Variants in FTCDNL1 observed in about 807,000 individuals in gnomAD.
FTCDNL1 encodes the protein formiminotransferase cyclodeaminase N-terminal like.
FTCDNL1 carries 11 observed loss-of-function variants against 5.9 expected under a neutral mutation model. The ratio of observed to expected loss-of-function variants is 1.87; its 90% CI spans 1.18 to 3.10. The LOEUF (loss-of-function observed/expected upper bound fraction) is 3.10. FTCDNL1 is among the 30% of genes most tolerant of loss of function. The pLI, the probability that FTCDNL1 is intolerant of heterozygous loss-of-function variation, is 0.00. For synonymous variants in FTCDNL1, 58 were observed against 24.8 expected, an observed-to-expected ratio of 2.34 and a Z score of -3.99; for missense variants, 115 against 65.5, an observed-to-expected ratio of 1.76 and a Z score of -2.61.
At chr2:199,683,226 C>T in the FTCDNL1 span, among the ~76,000 whole-genome samples, 4 of 151,938 alleles carry the variant, frequency 2.6e-5, no homozygotes, top group African/African-American at 9.7e-5. Context: ...ATGAAAAACC[C>T]AATTATATTA....
At chr2:199,823,728 C>T (rs1190717426) in intron 3 of FTCDNL1, among the ~76,000 whole-genome samples, 8 of 152,146 alleles carry the variant, frequency 5.3e-5, no homozygotes, top group Non-Finnish European at 7.3e-5. Context: ...TTTGTTGTTG[C>T]ATTTATAGAG....
chr2:199,840,665 TGAG>T (rs1407197778), intron 3 of FTCDNL1, among the ~76,000 whole-genome samples: 1 of 152,140 alleles, frequency 6.6e-6, no homozygotes, highest in Non-Finnish European at 1.5e-5. Flanking sequence ...CAGCTGGCTC[TGAG>T]GAGAAGGAAA....
At chr2:199,716,463 C>T in the FTCDNL1 span, among the ~76,000 whole-genome samples, 4,946 of 152,222 alleles carry the variant, frequency 0.032, 260 homozygotes, top group African/African-American at 0.11. Context: ...CCCCAATTCT[C>T]AATGACTCTG....
the FTCDNL1 span, among the ~76,000 whole-genome samples, chr2:199,696,505 C>T: frequency 6.6e-6 from 1 of 152,150 alleles, no homozygotes; most frequent in Non-Finnish European, 1.5e-5. Context: ...TCCCAGTGCC[C>T]CAGGATGACA....
the FTCDNL1 span, among the ~76,000 whole-genome samples, chr2:199,716,944 C>A: frequency 5.3e-5 from 8 of 152,086 alleles, no homozygotes; most frequent in African/African-American, 1.9e-4. Context: ...AAAGTTCTGA[C>A]TCCTGTAGCC....
At chr2:199,716,033 TAAAAAAAAA>T in the FTCDNL1 span, among the ~76,000 whole-genome samples, 5 of 108,964 alleles carry the variant, frequency 4.6e-5, no homozygotes, top group East Asian at 2.8e-4. Context: ...TGCCTCTAGT[TAAAAAAAAA>T]AAAAAAAAAA....
chr2:199,765,667 G>A (rs1306142787), intron 3 of FTCDNL1, among the ~76,000 whole-genome samples: 1 of 148,104 alleles, frequency 6.8e-6, no homozygotes, highest in Non-Finnish European at 1.5e-5. Context: ...TCAACCTCCC[G>A]AGTAGCTGGG....
intron 3 of FTCDNL1, among the ~76,000 whole-genome samples, chr2:199,768,864 T>C (rs928176273): frequency 6.6e-6 from 1 of 152,134 alleles, no homozygotes; most frequent in Non-Finnish European, 1.5e-5. Context: ...AGAGGAGCTA[T>C]TTAAGTTTGT....
At chr2:199,694,076 C>A in the FTCDNL1 span, among the ~76,000 whole-genome samples, 48 of 152,114 alleles carry the variant, frequency 3.2e-4, no homozygotes, top group African/African-American at 1.1e-3. Context: ...GGGACTGCAG[C>A]CAAAAGGAAA....
At chr2:199,676,191 T>G in the FTCDNL1 span, among the ~76,000 whole-genome samples, 2 of 152,212 alleles carry the variant, frequency 1.3e-5, no homozygotes, top group Non-Finnish European at 2.9e-5. Context: ...GTTCTGCTAC[T>G]AAGGAGGAAG....
the FTCDNL1 span, among the ~76,000 whole-genome samples, chr2:199,754,662 G>C: frequency 6.6e-6 from 1 of 152,128 alleles, no homozygotes; most frequent in East Asian, 1.9e-4. Context: ...CCATCCTAGA[G>C]GTGTGGGGGT....
At chr2:199,737,632 A>ATTCC in the FTCDNL1 span, among the ~76,000 whole-genome samples, 1 of 152,098 alleles carries the variant, frequency 6.6e-6, no homozygotes, top group Non-Finnish European at 1.5e-5. Flanking sequence ...AAAAAAATTA[A>ATTCC]TTTTGTGTGT....
intron 3 of FTCDNL1, among the ~76,000 whole-genome samples, chr2:199,773,550 T>C (rs1321245796): frequency 6.6e-6 from 1 of 152,208 alleles, no homozygotes; most frequent in Non-Finnish European, 1.5e-5. Flanking sequence ...TCCTTCCTCC[T>C]GGAGATCTGG....
chr2:199,801,176 G>A (rs751916269), intron 3 of FTCDNL1, among the ~76,000 whole-genome samples: 3 of 152,190 alleles, frequency 2.0e-5, no homozygotes, highest in Non-Finnish European at 4.4e-5. Context: ...GGCAAGAGGA[G>A]TACTCCTGGG....
the FTCDNL1 span, among the ~76,000 whole-genome samples, chr2:199,673,101 G>A: frequency 6.6e-6 from 1 of 152,046 alleles, no homozygotes; most frequent in Non-Finnish European, 1.5e-5. Context: ...GCCGAGGTGG[G>A]AAGATCACTT....
At chr2:199,743,154 G>C in the FTCDNL1 span, among the ~76,000 whole-genome samples, 1 of 152,226 alleles carries the variant, frequency 6.6e-6, no homozygotes, top group South Asian at 2.1e-4. Flanking sequence ...TAACCACCAT[G>C]ATCACCTCAA....
chr2:199,723,790 A>G, the FTCDNL1 span, among the ~76,000 whole-genome samples: 1 of 152,194 alleles, frequency 6.6e-6, no homozygotes, highest in South Asian at 2.1e-4. Context: ...GTTTGCCAGT[A>G]TTTTACTAAG....
At chr2:199,817,896 C>A (rs1332932987) in intron 4 of FTCDNL1, among the ~76,000 whole-genome samples, 1 of 152,136 alleles carries the variant, frequency 6.6e-6, no homozygotes, top group African/African-American at 2.4e-5. Flanking sequence ...AGCAATCCTC[C>A]CTTTAGTTTA....
intron 3 of FTCDNL1, among the ~76,000 whole-genome samples, chr2:199,825,315 A>C (rs1701962223): frequency 6.6e-6 from 1 of 152,176 alleles, no homozygotes; most frequent in Non-Finnish European, 1.5e-5. Context: ...ATTTGTAAAA[A>C]ATGCAATAAA....
Sources: allele counts gnomAD v4.1 joint callset (sites outside exome capture counted in the v4.1 genomes callset), GRCh38; gene constraint gnomAD v4.1.1; transcripts MANE v1.5; gene names NCBI Gene and HGNC (gene_info 2026-07-23, HGNC 2026-07-21).